The following ZNRF3 variants were observed in gnomAD, a reference collection of about 807,000 sequenced individuals.
ZNRF3 encodes E3 ubiquitin-protein ligase ZNRF3.
Under a neutral mutation model 72.5 loss-of-function variants are expected in ZNRF3, and 23 were observed. The observed-to-expected ratio is 0.32, with a 90% CI of 0.23 to 0.45. The LOEUF is 0.45. Among genes scored for constraint, ZNRF3 ranks in the 20% least tolerant of loss-of-function variants. The probability of loss-of-function intolerance (pLI) is 1.00; values close to 1 mark genes in which losing one functional copy is unlikely to be tolerated. For missense variants in ZNRF3, 1,169 were observed against 1,272.1 expected (o/e 0.92, Z 1.23); for synonymous variants, 610 against 545.3 (o/e 1.12, Z -1.65).
At chr22:28,912,600 G>T (rs1363070745) in intron 1 of ZNRF3, among the ~76,000 whole-genome samples, 1 of 151,360 alleles carries the variant, frequency 6.6e-6, no homozygotes, top group Non-Finnish European at 1.5e-5. Flanking sequence ...CCACTCTCCA[G>T]TTCTTTTGGA....
intron 1 of ZNRF3, among the ~76,000 whole-genome samples, chr22:28,952,973 T>C (rs191266954): frequency 1.8e-4 from 27 of 152,356 alleles, no homozygotes; most frequent in African/African-American, 6.5e-4. Flanking sequence ...CCTGCCTTTG[T>C]GATGATCACA....
chr22:29,050,312 G>T lies in ZNRF3; in HGVS notation c.2131G>T (p.Ala711Ser), dbSNP rs750991640. The T allele has an allele frequency of 1.3e-6, 2 of 1,599,016 alleles. No individual in the cohort carries two copies. Among genetic ancestry groups the T allele is most frequent in the South Asian group, 1.1e-5 (1 of 90,872 alleles). The change falls in exon 8 of 9, where the codon GCC becomes TCC. Residue 711 changes from alanine to serine, a missense_variant. By Grantham distance (99) the Ala-to-Ser change is moderately conservative (BLOSUM62 1). Around this residue, in one of 2 missense-constraint regions of ZNRF3, gnomAD observed 783 missense variants for 731.4 expected, o/e 1.07. Coordinates refer to ENST00000544604, the MANE Select transcript of ZNRF3 (RefSeq NM_001206998.2). ...GGGGGGCCACGAGTTGCCGTCGTGTGCCTGCTGCTGCGAGCCCCAGCCCTC... is the reference window on the plus strand; with the variant it reads ...GGGGGGCCACGAGTTGCCGTCGTGTTCCTGCTGCTGCGAGCCCCAGCCCTC... ...WKGGHELPSC[A>S]CCCEPQPSPA...
intron 1 of ZNRF3, among the ~76,000 whole-genome samples, chr22:28,946,047 C>G (rs60187407): frequency 0.017 from 2,542 of 152,182 alleles, 80 homozygotes; most frequent in African/African-American, 0.059. Flanking sequence ...CTGACATGCT[C>G]AAAGGCAATG....
intron 1 of ZNRF3, chr22:28,917,459 A>T (rs1300289613): frequency 1.0e-6 from 1 of 985,062 alleles, no homozygotes; most frequent in Non-Finnish European, 1.2e-6. Context: ...TCTTACTAGG[A>T]AGGATCCCCT....
intron 1 of ZNRF3, among the ~76,000 whole-genome samples, chr22:28,972,253 C>T (rs751538748): frequency 6.6e-6 from 1 of 152,136 alleles, no homozygotes; most frequent in Non-Finnish European, 1.5e-5. Flanking sequence ...AACCCTGTAC[C>T]TTTTAACTCT....
intron 2 of ZNRF3, among the ~76,000 whole-genome samples, chr22:29,003,428 G>A (rs1484645894): frequency 6.6e-6 from 1 of 151,652 alleles, no homozygotes; most frequent in Non-Finnish European, 1.5e-5. Flanking sequence ...GCAGGAGAAT[G>A]GCTTGAACCC....
chr22:29,042,172 G>A (rs915444393), intron 2 of ZNRF3, among the ~76,000 whole-genome samples: 2 of 152,158 alleles, frequency 1.3e-5, no homozygotes, highest in Non-Finnish European at 2.9e-5. Context: ...GGGGTACATA[G>A]CAATATTTCA....
chr22:28,980,448 AAC>A (rs1180511216), intron 1 of ZNRF3, among the ~76,000 whole-genome samples: 9 of 152,242 alleles, frequency 5.9e-5, no homozygotes, highest in Non-Finnish European at 2.9e-5. Context: ...GTGAGATTTC[AAC>A]ACAAGATTGC....
At chr22:28,967,316 CAT>C (rs1380687485) in intron 1 of ZNRF3, among the ~76,000 whole-genome samples, 1 of 152,204 alleles carries the variant, frequency 6.6e-6, no homozygotes, top group Non-Finnish European at 1.5e-5. Context: ...GCCTCAGAGT[CAT>C]AGGCTATACT....
In ZNRF3 at chr22:28,937,215, ATTTTTT is replaced by A. The variant is rs370829828; in HGVS notation, c.301-49843_301-49838del. Among the ~76,000 whole-genome samples, 14 of 8,848 alleles carry A rather than the reference ATTTTTT, an allele frequency of 1.6e-3. No homozygotes were observed. The East Asian group carries it at 0.026, about 16-fold the overall frequency. 5.8% of individuals were successfully genotyped at this position (8,848 alleles called of 152,430 possible). A position where few individuals can be genotyped will look rare whatever the true frequency, so the allele number is the denominator to read the frequency against. On this transcript the variant is annotated intron_variant, in intron 1 of 8. Coordinates refer to ENST00000544604, the MANE Select transcript of ZNRF3 (RefSeq NM_001206998.2). Reference sequence around the variant, plus strand: ...TATATATATATATATATATATATATATTTTTTTTTTTTTTTTTTTTTTTAACAAAAG... The same window carrying A: ...TATATATATATATATATATATATATATTTTTTTTTTTTTTTTTAACAAAAG...
chr22:28,925,516 C>T (rs1198301798), intron 1 of ZNRF3, among the ~76,000 whole-genome samples: 1 of 152,090 alleles, frequency 6.6e-6, no homozygotes, highest in East Asian at 1.9e-4. Context: ...TTTTCCTTCC[C>T]TTTTAAACTA....
intron 1 of ZNRF3, among the ~76,000 whole-genome samples, chr22:28,900,857 C>T (rs2034088677): frequency 6.6e-6 from 1 of 152,042 alleles, no homozygotes; most frequent in Non-Finnish European, 1.5e-5. Context: ...CCTATAATAC[C>T]AGCTTTAGGA....
At chr22:29,022,254 T>G (rs2036554069) in intron 2 of ZNRF3, among the ~76,000 whole-genome samples, 1 of 152,254 alleles carries the variant, frequency 6.6e-6, no homozygotes, top group African/African-American at 2.4e-5. Flanking sequence ...CCAGGATGAT[T>G]GAAGTTACCT....
chr22:28,975,950 C>A (rs1233728393), intron 1 of ZNRF3, among the ~76,000 whole-genome samples: 1 of 152,108 alleles, frequency 6.6e-6, no homozygotes, highest in African/African-American at 2.4e-5. Flanking sequence ...GTATTCATCA[C>A]CAATAAGATG....
At chr22:28,961,368 A>G (rs1015718918) in intron 1 of ZNRF3, among the ~76,000 whole-genome samples, 1 of 152,220 alleles carries the variant, frequency 6.6e-6, no homozygotes, top group African/African-American at 2.4e-5. Flanking sequence ...TTGACATCCC[A>G]TCCCATTGGG....
chr22:28,916,195 G>A lies in ZNRF3; in HGVS notation c.300+32129G>A, dbSNP rs1330960846. Among the ~76,000 whole-genome samples, 3 of 152,044 alleles carry A rather than the reference G, an allele frequency of 2.0e-5. No individual in the cohort carries two copies. In the East Asian group the frequency reaches 5.8e-4, roughly 29 times the overall value. ...TTCCACCTTAGCCTCCCGAGTAGCT[G>A]GGACTACAGGCAGGTGCCACTGTGC... On this transcript the variant is annotated intron_variant, in intron 1 of 8. Transcript: ENST00000544604.
chr22:28,898,782 A>G (rs922302616), intron 1 of ZNRF3, among the ~76,000 whole-genome samples: 1 of 152,252 alleles, frequency 6.6e-6, no homozygotes, highest in Non-Finnish European at 1.5e-5. Flanking sequence ...TAGTATTTCT[A>G]AAGAGACTTA....
chr22:28,907,047 A>G (rs2034220751), intron 1 of ZNRF3, among the ~76,000 whole-genome samples: 1 of 146,770 alleles, frequency 6.8e-6, no homozygotes, highest in Admixed American at 6.9e-5. Context: ...CAGGGGCACC[A>G]TCTCAGCTCA....
intron 1 of ZNRF3, among the ~76,000 whole-genome samples, chr22:28,908,966 G>C (rs959089040): frequency 6.6e-6 from 1 of 152,058 alleles, no homozygotes; most frequent in African/African-American, 2.4e-5. Context: ...GCACGATCTC[G>C]ACTCACTGCA....
Sources: allele counts gnomAD v4.1 joint callset (sites outside exome capture counted in the v4.1 genomes callset), GRCh38; gene constraint gnomAD v4.1.1; regional missense constraint gnomAD v4.1.1; transcripts MANE v1.5; gene names NCBI Gene and HGNC (gene_info 2026-07-23, HGNC 2026-07-21).